RIMS1: variants seen among roughly 807,000 people sequenced by gnomAD.
RIMS1 encodes regulating synaptic membrane exocytosis 1.
In RIMS1, 83 loss-of-function variants were observed where a neutral mutation model predicts 214.1. The ratio of observed to expected loss-of-function variants is 0.39; its 90% CI spans 0.32 to 0.47. The LOEUF is 0.47. Ranked by LOEUF, RIMS1 falls within the 20% of genes least tolerant of loss-of-function variation. The probability of loss-of-function intolerance (pLI) is 0.99; values close to 1 mark genes in which losing one functional copy is unlikely to be tolerated. For missense variants in RIMS1, 2,050 were observed against 2,161.8 expected (o/e 0.95, Z 1.03); for synonymous variants, 793 against 786.8 (o/e 1.01, Z -0.13).
At chr6:71,914,301 G>A (rs1777738830) in intron 1 of RIMS1, among the ~76,000 whole-genome samples, 1 of 151,962 alleles carries the variant, frequency 6.6e-6, no homozygotes, top group Non-Finnish European at 1.5e-5. Context: ...TGCCAAACCA[G>A]ATATTCCTTC....
intron 4 of RIMS1, among the ~76,000 whole-genome samples, chr6:72,174,457 TAA>T (rs2047445113): frequency 6.6e-6 from 1 of 152,180 alleles, no homozygotes; most frequent in Non-Finnish European, 1.5e-5. Flanking sequence ...AGTGATTATA[TAA>T]GAGGAGCTTT....
chr6:72,296,109 TG>T (rs1255993136), intron 26 of RIMS1: 4 of 152,272 alleles, frequency 2.6e-5, no homozygotes, highest in African/African-American at 9.7e-5. Context: ...GTAGTGTATT[TG>T]ATATTAATTA....
At chr6:72,338,279 C>A (rs886777289) in intron 29 of RIMS1, among the ~76,000 whole-genome samples, 1 of 151,872 alleles carries the variant, frequency 6.6e-6, no homozygotes, top group Non-Finnish European at 1.5e-5. Context: ...TAATGATCAC[C>A]ATTTTAACTG....
intron 2 of RIMS1, among the ~76,000 whole-genome samples, chr6:72,087,591 C>T (rs1219531994): frequency 6.6e-6 from 1 of 152,150 alleles, no homozygotes; most frequent in South Asian, 2.1e-4. Flanking sequence ...CCTTGGCCCC[C>T]CAGAAAGTGA....
intron 4 of RIMS1, among the ~76,000 whole-genome samples, chr6:72,138,038 G>A (rs1236046590): frequency 1.3e-5 from 2 of 152,002 alleles, no homozygotes; most frequent in African/African-American, 4.8e-5. Flanking sequence ...GCCCGGCAAA[G>A]TCTATACAAT....
At chr6:72,256,370 G>A (rs1351270709) in intron 16 of RIMS1, among the ~76,000 whole-genome samples, 1 of 152,096 alleles carries the variant, frequency 6.6e-6, no homozygotes, top group African/African-American at 2.4e-5. Context: ...TATGTTAAAA[G>A]TTTCAAGATT....
intron 27 of RIMS1, among the ~76,000 whole-genome samples, chr6:72,312,859 A>G (rs1331669015): frequency 1.3e-5 from 2 of 152,222 alleles, no homozygotes; most frequent in African/African-American, 2.4e-5. Context: ...CAAAAACTAT[A>G]TACAGGTGGA....
At chr6:72,370,341 A>C (rs2098176556) in intron 29 of RIMS1, among the ~76,000 whole-genome samples, 1 of 152,198 alleles carries the variant, frequency 6.6e-6, no homozygotes, top group Admixed American at 6.5e-5. Flanking sequence ...TAGAGGTACA[A>C]CTGTTATGAT....
At chr6:72,109,422 G>A (rs1201620866) in intron 4 of RIMS1, among the ~76,000 whole-genome samples, 1 of 151,796 alleles carries the variant, frequency 6.6e-6, no homozygotes, top group East Asian at 1.9e-4. Context: ...ATCTCATTGT[G>A]GTTTTGATTT....
At chr6:72,152,824 ATATGTATATATATG>A (rs2153905117) in intron 4 of RIMS1, among the ~76,000 whole-genome samples, 2 of 53,690 alleles carry the variant, frequency 3.7e-5, no homozygotes, top group African/African-American at 1.2e-4. Context: ...TATATGGAAT[ATATGTATATATATG>A]TATATATGGA....
At chr6:72,291,041 G>T (rs2093315721) in intron 25 of RIMS1, among the ~76,000 whole-genome samples, 180 bp downstream of exon 25, 1 of 152,016 alleles carries the variant, frequency 6.6e-6, no homozygotes, top group Non-Finnish European at 1.5e-5. Flanking sequence ...TCACTGTGCT[G>T]GTGGTATACT....
chr6:72,151,070 T>A (rs1228906352), intron 4 of RIMS1, among the ~76,000 whole-genome samples: 1 of 151,870 alleles, frequency 6.6e-6, no homozygotes, highest in Non-Finnish European at 1.5e-5. Context: ...TGAGACGGAG[T>A]CTCGCTCTGT....
intron 1 of RIMS1, among the ~76,000 whole-genome samples, chr6:71,925,282 T>C (rs1450091600): frequency 1.3e-5 from 2 of 152,188 alleles, no homozygotes. Flanking sequence ...CCTCCCTAGC[T>C]GCAATATAGT....
chr6:72,205,227 A>G (rs2052697489), intron 6 of RIMS1, among the ~76,000 whole-genome samples: 1 of 152,172 alleles, frequency 6.6e-6, no homozygotes, highest in Admixed American at 6.6e-5. Flanking sequence ...TGCATGGAAA[A>G]AACTACCTGA....
intron 1 of RIMS1, among the ~76,000 whole-genome samples, chr6:71,955,055 A>T (rs1195652836): frequency 6.6e-6 from 1 of 152,138 alleles, no homozygotes; most frequent in African/African-American, 2.4e-5. Flanking sequence ...TTAAAAATAT[A>T]TTTTATTCTA....
intron 2 of RIMS1, among the ~76,000 whole-genome samples, chr6:72,083,455 T>C (rs1833906882): frequency 6.6e-6 from 1 of 152,116 alleles, no homozygotes; most frequent in Non-Finnish European, 1.5e-5. Context: ...ATTTTGCTTG[T>C]GGGCTCATTT....
intron 4 of RIMS1, among the ~76,000 whole-genome samples, chr6:72,122,206 T>C (rs867602683): frequency 0.26 from 26,634 of 102,024 alleles, 3,222 homozygotes; most frequent in East Asian, 0.34. Context: ...TTTCCTTTTT[T>C]CTTTTTTTTT....
intron 4 of RIMS1, among the ~76,000 whole-genome samples, chr6:72,126,258 A>G (rs755323847): frequency 3.9e-5 from 6 of 152,200 alleles, no homozygotes; most frequent in Non-Finnish European, 7.4e-5. Context: ...TCTTACCTTA[A>G]ACAAAAATCA....
chr6:72,087,515 G>A (rs1834968183), intron 2 of RIMS1, among the ~76,000 whole-genome samples: 1 of 152,138 alleles, frequency 6.6e-6, no homozygotes. Context: ...ATTTCCCTGG[G>A]ACTTTTTCTA....
Sources: gnomAD v4.1 joint callset for allele counts (sites outside exome capture counted in the v4.1 genomes callset) on GRCh38, gnomAD v4.1.1 for gene constraint, MANE v1.5 for transcripts, NCBI Gene and HGNC (gene_info 2026-07-23, HGNC 2026-07-21) for gene names.